NKAIN2: variants seen among roughly 807,000 people sequenced by gnomAD.
The protein encoded by NKAIN2 is sodium/potassium transporting ATPase interacting 2, also known as sodium/potassium-transporting ATPase subunit beta-1-interacting protein 2.
A neutral mutation model predicts 32.6 loss-of-function variants in NKAIN2; 14 were observed. The observed-to-expected ratio is 0.43, with a 90% CI of 0.28 to 0.67. NKAIN2 has a LOEUF of 0.67. Ranked by LOEUF, NKAIN2 falls within the 30% of genes least tolerant of loss-of-function variation. The probability of loss-of-function intolerance (pLI) is 0.17; values close to 1 mark genes in which losing one functional copy is unlikely to be tolerated. For synonymous variants in NKAIN2, 80 were observed against 87.2 expected, an observed-to-expected ratio of 0.92 and a Z score of 0.46; for missense variants, 198 against 258.3, an observed-to-expected ratio of 0.77 and a Z score of 1.60.
At chr6:124,112,494 C>T (rs1260012580) in intron 1 of NKAIN2, among the ~76,000 whole-genome samples, 1 of 152,092 alleles carries the variant, frequency 6.6e-6, no homozygotes. Flanking sequence ...TCAAAATTCT[C>T]GTTTGTCTTT....
chr6:124,173,290 C>A (rs1788986487), intron 1 of NKAIN2, among the ~76,000 whole-genome samples: 1 of 152,006 alleles, frequency 6.6e-6, no homozygotes, highest in African/African-American at 2.4e-5. Context: ...TTCATAACAC[C>A]AACCTGTTCT....
rs1006307918 is a variant in NKAIN2, at chr6:124,206,459, T to C, written c.55-76546T>C. ...TCTCAAGAATGTCAAATTTAAGAGA[T>C]TGTTTTTTAGTAGAATCAGTCCTGC... On this transcript the variant is annotated intron_variant, in intron 1 of 6. Coordinates refer to ENST00000368417, the MANE Select transcript of NKAIN2 (RefSeq NM_001040214.3). Among the ~76,000 whole-genome samples the C allele has an allele frequency of 2.6e-5, 4 of 152,056 alleles. No homozygotes were observed. The South Asian group carries it at 6.2e-4, about 24-fold the overall frequency.
chr6:124,042,479 C>A (rs1282962613), intron 1 of NKAIN2, among the ~76,000 whole-genome samples: 6 of 152,038 alleles, frequency 3.9e-5, no homozygotes, highest in African/African-American at 1.4e-4. Context: ...CCTTATTCTA[C>A]TCCTTACAGA....
intron 1 of NKAIN2, among the ~76,000 whole-genome samples, chr6:124,089,119 T>C (rs1175359491): frequency 5.3e-5 from 8 of 152,002 alleles, no homozygotes; most frequent in Non-Finnish European, 1.0e-4. Flanking sequence ...CATTGACAAC[T>C]TGAGGGGAGA....
intron 1 of NKAIN2, among the ~76,000 whole-genome samples, chr6:124,041,982 T>A (rs539933347): frequency 6.6e-6 from 1 of 152,108 alleles, no homozygotes; most frequent in South Asian, 2.1e-4. Context: ...CAAACTGATA[T>A]AGTGTTTCTT....
intron 1 of NKAIN2, among the ~76,000 whole-genome samples, chr6:124,166,364 G>C (rs1287491356): frequency 6.6e-6 from 1 of 151,902 alleles, no homozygotes; most frequent in African/African-American, 2.4e-5. Flanking sequence ...TGATGGGGTT[G>C]TTTGTTTTTT....
At chr6:124,671,163 T>G (rs1773081270) in intron 4 of NKAIN2, among the ~76,000 whole-genome samples, 1 of 152,102 alleles carries the variant, frequency 6.6e-6, no homozygotes, top group Non-Finnish European at 1.5e-5. Flanking sequence ...GAGAAGGTTC[T>G]ATGTATACAA....
At chr6:124,480,428 G>A (rs529744867) in intron 3 of NKAIN2, among the ~76,000 whole-genome samples, 9 of 152,210 alleles carry the variant, frequency 5.9e-5, no homozygotes, top group Admixed American at 5.9e-4. Flanking sequence ...AATGACATGA[G>A]TGAGACGTTA....
At position 124,104,361 on chromosome 6, in the gene NKAIN2, T is replaced by TTGA. The variant is rs749054238; in HGVS notation, c.55-178630_55-178628dup. On this transcript the variant is annotated intron_variant, in intron 1 of 6. Transcript: ENST00000368417. ...TATGTTTGTGTTGCTGAGGTGGTAG[T>TTGA]TGATGATGATGATGATATTTTGGTG... is the stretch of plus-strand genomic sequence containing the variant. 8.1e-4 allele frequency among the ~76,000 whole-genome samples: 123 copies of TTGA among 152,196 alleles called. 1 individual carries two copies. Among genetic ancestry groups the TTGA allele is most frequent in the East Asian group, 2.3e-3 (12 of 5,178 alleles).
intron 3 of NKAIN2, among the ~76,000 whole-genome samples, chr6:124,598,569 G>A (rs1463110921): frequency 1.3e-5 from 2 of 151,550 alleles, no homozygotes; most frequent in Non-Finnish European, 2.9e-5. Flanking sequence ...ATTGCCCAAA[G>A]CCACAGCTAA....
At chr6:123,959,790 C>CAT (rs34482918) in intron 1 of NKAIN2, among the ~76,000 whole-genome samples, 43 of 149,740 alleles carry the variant, frequency 2.9e-4, no homozygotes, top group East Asian at 2.8e-3. Context: ...CTCTCTCTCT[C>CAT]ATATATATAT....
At chr6:124,244,754 T>A (rs1404619787) in intron 1 of NKAIN2, among the ~76,000 whole-genome samples, 1 of 152,034 alleles carries the variant, frequency 6.6e-6, no homozygotes, top group African/African-American at 2.4e-5. Context: ...TCCTTGACAC[T>A]TTACAGGATA....
chr6:124,701,688 A>G (rs1416633391), intron 4 of NKAIN2, among the ~76,000 whole-genome samples: 4 of 151,922 alleles, frequency 2.6e-5, no homozygotes, highest in South Asian at 4.2e-4. Flanking sequence ...GCGTACATAC[A>G]TTTACATGTG....
At chr6:123,958,774 A>AC (rs1224245822) in intron 1 of NKAIN2, among the ~76,000 whole-genome samples, 2 of 152,238 alleles carry the variant, frequency 1.3e-5, no homozygotes, top group East Asian at 3.9e-4. Flanking sequence ...CTGAATCGCT[A>AC]CGTCAACCTC....
intron 4 of NKAIN2, among the ~76,000 whole-genome samples, chr6:124,776,402 C>T (rs1249541002): frequency 6.6e-6 from 1 of 152,010 alleles, no homozygotes; most frequent in African/African-American, 2.4e-5. Flanking sequence ...ATCACTTCAC[C>T]TCTCATTTTT....
chr6:124,381,186 C>T (rs1358779561), intron 3 of NKAIN2, among the ~76,000 whole-genome samples: 2 of 152,140 alleles, frequency 1.3e-5, no homozygotes, highest in Admixed American at 1.3e-4. Context: ...AAATGTAAAG[C>T]AGTGTCACTC....
intron 1 of NKAIN2, among the ~76,000 whole-genome samples, chr6:124,139,120 C>T (rs1408432261): frequency 3.2e-5 from 4 of 124,680 alleles, no homozygotes; most frequent in African/African-American, 1.2e-4. Flanking sequence ...CTCGCTCTGT[C>T]GCCCAGGCCG....
At chr6:124,515,969 T>C (rs1458712806) in intron 3 of NKAIN2, among the ~76,000 whole-genome samples, 1 of 152,116 alleles carries the variant, frequency 6.6e-6, no homozygotes, top group African/African-American at 2.4e-5. Context: ...GAGCAACTGT[T>C]TTGGGGGTCA....
chr6:124,584,962 C>A (rs1239237122), intron 3 of NKAIN2, among the ~76,000 whole-genome samples: 1 of 152,072 alleles, frequency 6.6e-6, no homozygotes. Context: ...ATGTATATAC[C>A]CCCTCCCCTA....
Sources: allele counts gnomAD v4.1 joint callset (sites outside exome capture counted in the v4.1 genomes callset), GRCh38; gene constraint gnomAD v4.1.1; transcripts MANE v1.5; gene names NCBI Gene and HGNC (gene_info 2026-07-23, HGNC 2026-07-21).